The following RAB30 variants were observed in gnomAD, a reference collection of about 807,000 sequenced individuals.
The protein encoded by RAB30 is ras-related protein Rab-30.
A neutral mutation model predicts 25.1 loss-of-function variants in RAB30; 9 were observed. That is an observed-to-expected ratio of 0.36 (90% CI 0.22 to 0.63). The LOEUF (loss-of-function observed/expected upper bound fraction) is 0.63, where lower values mean the gene tolerates loss of function less well. Ranked by LOEUF, RAB30 falls within the 20% of genes least tolerant of loss-of-function variation. The pLI is 0.69. For missense variants in RAB30, 140 were observed against 243.5 expected (o/e 0.58, Z 2.83); for synonymous variants, 77 against 86.4 (o/e 0.89, Z 0.60).
intron 1 of RAB30, among the ~76,000 whole-genome samples, chr11:83,041,868 A>T (rs928873921): frequency 2.6e-5 from 4 of 151,676 alleles, no homozygotes; most frequent in Non-Finnish European, 5.9e-5. Context: ...ATGGTGAAAC[A>T]CTGTCTCTAG....
intron 1 of RAB30, among the ~76,000 whole-genome samples, chr11:83,011,782 C>T (rs1171778819): frequency 6.6e-6 from 1 of 152,178 alleles, no homozygotes; most frequent in African/African-American, 2.4e-5. Context: ...GGTAGCTGGG[C>T]AGCAGCTGCT....
intron 1 of RAB30, 81 bp from the exon 2 acceptor site, chr11:82,997,405 C>T (rs534282254): frequency 4.0e-6 from 4 of 994,186 alleles, no homozygotes; most frequent in African/African-American, 1.6e-5. Flanking sequence ...GCCTTCTCTC[C>T]GGGGGAACAG....
chr11:83,034,838 AAC>A (rs1396483218), intron 1 of RAB30: 2 of 152,152 alleles, frequency 1.3e-5, no homozygotes, highest in African/African-American at 4.8e-5. Context: ...TTGTCCAAGG[AAC>A]ACAGTTAGCA....
chr11:83,061,623 C>G (rs1471669904), intron 1 of RAB30, among the ~76,000 whole-genome samples: 4 of 149,216 alleles, frequency 2.7e-5, no homozygotes, highest in Non-Finnish European at 1.5e-5. Context: ...TGTGTAAAGA[C>G]AAAAGCAAAT....
Position 82,976,467 on chromosome 11 carries a change from A to G in RAB30, c.*5698T>C, listed in dbSNP as rs1436631928. On this transcript the variant is annotated 3_prime_UTR_variant, in exon 5 of 5. Coordinates refer to ENST00000527633, the MANE Select transcript of RAB30 (RefSeq NM_001286060.2). ...CCTAAACTAGTGTTTCCCCTTCTAT[A>G]TAACTCCCCACATCACTCTCCAAAG... 6.6e-6 allele frequency: 1 copy of G among 152,142 alleles called. No individual in the cohort carries two copies. Among genetic ancestry groups the G allele is most frequent in the Non-Finnish European group, 1.5e-5 (1 of 68,018 alleles). The allele number at this position is 152,142 out of a possible 1,614,324, so 9.4% of individuals were successfully genotyped here. A position where few individuals can be genotyped will look rare whatever the true frequency, so the allele number is the denominator to read the frequency against.
intron 1 of RAB30, among the ~76,000 whole-genome samples, chr11:83,058,684 G>A (rs1338723248): frequency 2.0e-5 from 3 of 152,324 alleles, no homozygotes; most frequent in Non-Finnish European, 2.9e-5. Flanking sequence ...CCACTGTGAA[G>A]TTACTATTTT....
At position 82,987,779 on chromosome 11, in the gene RAB30, G is replaced by C; in HGVS notation, c.178-9C>G. ...GTGTCCCAGATCTGTAGCTGTAAAG[G>C]CATAAGATAAGAATCAGGTGAAGAA... On this transcript the variant is annotated splice_polypyrimidine_tract_variant and intron_variant, in intron 3 of 4. Coordinates refer to ENST00000527633, the MANE Select transcript of RAB30 (RefSeq NM_001286060.2). 1 of 1,575,870 alleles carries C rather than the reference G, an allele frequency of 6.3e-7. No homozygotes were observed.
At chr11:83,001,786 C>A (rs1173634314) in intron 1 of RAB30, among the ~76,000 whole-genome samples, 1 of 152,152 alleles carries the variant, frequency 6.6e-6, no homozygotes, top group Non-Finnish European at 1.5e-5. Flanking sequence ...CCTAAATTGA[C>A]AACAAAAGTC....
chr11:83,026,682 CA>C (rs1288544380), intron 1 of RAB30, among the ~76,000 whole-genome samples: 6 of 151,972 alleles, frequency 3.9e-5, no homozygotes, highest in African/African-American at 1.2e-4. Flanking sequence ...AATGGACTAA[CA>C]ATAGGATAGG....
chr11:83,030,843 C>T (rs1436293711), intron 1 of RAB30, among the ~76,000 whole-genome samples: 1 of 152,018 alleles, frequency 6.6e-6, no homozygotes, highest in Non-Finnish European at 1.5e-5. Context: ...ATTATGTCCC[C>T]CCACAAGTTC....
intron 1 of RAB30, among the ~76,000 whole-genome samples, chr11:83,020,906 G>A (rs1432998025): frequency 5.3e-5 from 8 of 152,038 alleles, no homozygotes. Context: ...CCCGCAGAGA[G>A]GAGCCACTTC....
At chr11:83,057,486 T>C (rs1858481328) in intron 1 of RAB30, among the ~76,000 whole-genome samples, 1 of 152,192 alleles carries the variant, frequency 6.6e-6, no homozygotes, top group African/African-American at 2.4e-5. Flanking sequence ...CTTATTCAAG[T>C]TTCTTTTGTC....
At chr11:83,031,834 T>C (rs572295925) in intron 1 of RAB30, among the ~76,000 whole-genome samples, 1 of 152,198 alleles carries the variant, frequency 6.6e-6, no homozygotes, top group Non-Finnish European at 1.5e-5. Context: ...GCCTGCATAT[T>C]CTCTTTTTAA....
At chr11:83,047,153 T>C (rs1424914268) in intron 1 of RAB30, among the ~76,000 whole-genome samples, 1 of 152,172 alleles carries the variant, frequency 6.6e-6, no homozygotes, top group African/African-American at 2.4e-5. Context: ...TCAATGTGTA[T>C]CCAGTGACTG....
intron 1 of RAB30, among the ~76,000 whole-genome samples, chr11:83,069,357 T>G (rs77681888): frequency 0.01 from 1,541 of 152,320 alleles, 17 homozygotes; most frequent in Middle Eastern, 0.044. Context: ...GCAGTTAGAC[T>G]TTCCACACCT....
chr11:82,982,034 T>C lies in RAB30; in HGVS notation c.*131A>G, dbSNP rs1443258050. 1.5e-6 allele frequency: 2 copies of C among 1,295,458 alleles called. No individual in the cohort carries two copies. The highest frequency in any genetic ancestry group is 3.0e-5 in the African/African-American group (2 of 67,312). 80.2% of individuals were successfully genotyped at this position (1,295,458 alleles called of 1,614,324 possible). On this transcript the variant is annotated 3_prime_UTR_variant, in exon 5 of 5. Transcript: ENST00000527633. ...GGTCGAGGCCCTTGGCCTGCCATGCTTTGTAAGCTCAGGAGCCCACAGGAG... is the reference window on the plus strand; with the variant it reads ...GGTCGAGGCCCTTGGCCTGCCATGCCTTGTAAGCTCAGGAGCCCACAGGAG...
In RAB30 at chr11:83,031,638, C is replaced by T. The variant is rs1196653050; in HGVS notation, c.-8-34314G>A. On this transcript the variant is annotated intron_variant, in intron 1 of 4. Transcript: ENST00000527633. ...CGTTTCCCGGGTTCAAGCGATTCTC[C>T]TGCCTCAGCCTCCAGAGTAGCTGGG... Among the ~76,000 whole-genome samples, 3 of 152,014 alleles carry T rather than the reference C, an allele frequency of 2.0e-5. No individual in the cohort carries two copies. The East Asian group carries it at 5.8e-4, about 29-fold the overall frequency.
intron 1 of RAB30, among the ~76,000 whole-genome samples, chr11:83,009,090 T>C (rs545038343): frequency 6.6e-6 from 1 of 151,848 alleles, no homozygotes; most frequent in African/African-American, 2.4e-5. Context: ...TTTTTTTTTT[T>C]GAGCAGAGTT....
intron 1 of RAB30, among the ~76,000 whole-genome samples, chr11:83,014,070 C>T (rs905709753): frequency 1.3e-5 from 2 of 152,154 alleles, no homozygotes; most frequent in African/African-American, 4.8e-5. Context: ...CAAGTTCCCC[C>T]TCTCATACAG....
Sources: allele counts gnomAD v4.1 joint callset (sites outside exome capture counted in the v4.1 genomes callset), GRCh38; gene constraint gnomAD v4.1.1; transcripts MANE v1.5; gene names NCBI Gene and HGNC (gene_info 2026-07-23, HGNC 2026-07-21).